OXCT1: variants seen among roughly 807,000 people sequenced by gnomAD.
OXCT1 encodes succinyl-CoA:3-ketoacid coenzyme A transferase 1, mitochondrial.
A neutral mutation model predicts 69.6 loss-of-function variants in OXCT1; 27 were observed. That is an observed-to-expected ratio of 0.39 (90% CI 0.29 to 0.54). The LOEUF is 0.54. Among genes scored for constraint, OXCT1 ranks in the 20% least tolerant of loss-of-function variants. The probability of loss-of-function intolerance (pLI) is 0.72; values close to 1 mark genes in which losing one functional copy is unlikely to be tolerated. For synonymous variants in OXCT1, 202 were observed against 217.8 expected (o/e 0.93, Z 0.64); for missense variants, 437 against 650.2 (o/e 0.67, Z 3.57).
At chr5:41,847,619 G>A (rs1748983776) in intron 5 of OXCT1, among the ~76,000 whole-genome samples, 2 of 151,524 alleles carry the variant, frequency 1.3e-5, no homozygotes, top group South Asian at 4.2e-4. Flanking sequence ...TGCAAGGCTG[G>A]TTCAATATAC....
At chr5:41,861,817 T>A (rs1252695840) in intron 2 of OXCT1, among the ~76,000 whole-genome samples, 2 of 152,244 alleles carry the variant, frequency 1.3e-5, no homozygotes, top group African/African-American at 4.8e-5. Context: ...ATATTTTCCA[T>A]GATTACTCAA....
At chr5:41,848,707 G>C (rs1182517216) in intron 5 of OXCT1, among the ~76,000 whole-genome samples, 12 of 151,736 alleles carry the variant, frequency 7.9e-5, no homozygotes, top group Non-Finnish European at 4.4e-5. Flanking sequence ...TTAATAAATG[G>C]TGCTGGGAAA....
At chr5:41,741,781 C>G (rs1358601595) in intron 15 of OXCT1, among the ~76,000 whole-genome samples, 1 of 152,104 alleles carries the variant, frequency 6.6e-6, no homozygotes, top group Non-Finnish European at 1.5e-5. Context: ...GTAAACTTTC[C>G]TTTTGCTTGT....
At chr5:41,833,296 A>G (rs1374402310) in intron 7 of OXCT1, among the ~76,000 whole-genome samples, 5 of 152,174 alleles carry the variant, frequency 3.3e-5, no homozygotes, top group African/African-American at 1.2e-4. Flanking sequence ...GAGCTCCAAC[A>G]TGTCTGGCAA....
intron 5 of OXCT1, chr5:41,843,533 T>C (rs1308487506): frequency 2.2e-6 from 1 of 456,132 alleles, no homozygotes; most frequent in South Asian, 1.5e-5. Context: ...TTAATTATAC[T>C]ACCAATTTTG....
chr5:41,777,982 A>G (rs1179813257), intron 13 of OXCT1, among the ~76,000 whole-genome samples: 1 of 152,196 alleles, frequency 6.6e-6, no homozygotes, highest in African/African-American at 2.4e-5. Flanking sequence ...GGTTATTTAG[A>G]TCTGTCCTAG....
intron 9 of OXCT1, among the ~76,000 whole-genome samples, chr5:41,803,584 G>A (rs1746523117): frequency 6.6e-6 from 1 of 151,964 alleles, no homozygotes; most frequent in Non-Finnish European, 1.5e-5. Flanking sequence ...GATAAATGGA[G>A]TTACCGTTTT....
At chr5:41,862,220 C>A (rs1411644088) in intron 2 of OXCT1, among the ~76,000 whole-genome samples, 1 of 152,094 alleles carries the variant, frequency 6.6e-6, no homozygotes, top group African/African-American at 2.4e-5. Flanking sequence ...AGAGTCCAAA[C>A]AAGAAGCAGC....
At chr5:41,790,265 C>T (rs1318344608) in intron 13 of OXCT1, among the ~76,000 whole-genome samples, 1 of 152,186 alleles carries the variant, frequency 6.6e-6, no homozygotes, top group African/African-American at 2.4e-5. Context: ...TAATCAATGC[C>T]AGCTGTTCTC....
intron 1 of OXCT1, among the ~76,000 whole-genome samples, chr5:41,868,244 T>C (rs1750092699): frequency 6.6e-6 from 1 of 152,260 alleles, no homozygotes; most frequent in African/African-American, 2.4e-5. Flanking sequence ...TGGAGGGTTC[T>C]CTCATCCGTA....
At position 41,842,788 on chromosome 5, in the gene OXCT1, A is replaced by G. The variant is rs755447436; in HGVS notation, c.565-7T>C. The G allele has an allele frequency of 6.5e-7, 1 of 1,539,286 alleles. No homozygotes were observed. Among genetic ancestry groups the G allele is most frequent in the Non-Finnish European group, 9.0e-7 (1 of 1,111,982 alleles). ...GACCATTGAACTCCCTCACCTGCAG[A>G]AGAGGGAGAAGGCATCATCAGGTAT... On this transcript the variant is annotated splice_polypyrimidine_tract_variant and splice_region_variant and intron_variant, in intron 5 of 16. Transcript: ENST00000196371.
At chr5:41,769,844 C>T (rs967897251) in intron 13 of OXCT1, among the ~76,000 whole-genome samples, 30 of 152,238 alleles carry the variant, frequency 2.0e-4, no homozygotes, top group Admixed American at 3.3e-4. Flanking sequence ...GCAGGATCTC[C>T]GCCTCCTGGA....
intron 13 of OXCT1, among the ~76,000 whole-genome samples, chr5:41,772,074 A>G (rs1744895133): frequency 6.6e-6 from 1 of 152,250 alleles, no homozygotes; most frequent in African/African-American, 2.4e-5. Flanking sequence ...ATGTGTCTGC[A>G]TGTACTAAAA....
chr5:41,779,543 A>T (rs1052372416), intron 13 of OXCT1, among the ~76,000 whole-genome samples: 1 of 152,180 alleles, frequency 6.6e-6, no homozygotes, highest in Non-Finnish European at 1.5e-5. Context: ...ACAATTTGTT[A>T]GTAACAAAGC....
At chr5:41,761,099 C>T (rs1223192469) in intron 14 of OXCT1, among the ~76,000 whole-genome samples, 2 of 151,984 alleles carry the variant, frequency 1.3e-5, no homozygotes, top group African/African-American at 4.8e-5. Flanking sequence ...GAAGAGAAGG[C>T]AAAGAAGATG....
chr5:41,760,569 T>C (rs926225538), intron 14 of OXCT1, among the ~76,000 whole-genome samples: 1 of 152,026 alleles, frequency 6.6e-6, no homozygotes, highest in African/African-American at 2.4e-5. Flanking sequence ...TGAAAACAAA[T>C]ACACAAAAAT....
At chr5:41,733,301 C>A (rs1316809588) in intron 16 of OXCT1, among the ~76,000 whole-genome samples, 1 of 144,224 alleles carries the variant, frequency 6.9e-6, no homozygotes, top group Non-Finnish European at 1.5e-5. Flanking sequence ...GGCTGGAGTG[C>A]AATGGCGCGA....
At chr5:41,737,259 T>C (rs1742930550) in intron 16 of OXCT1, among the ~76,000 whole-genome samples, 1 of 152,184 alleles carries the variant, frequency 6.6e-6, no homozygotes, top group Non-Finnish European at 1.5e-5. Flanking sequence ...TACATATCCC[T>C]GTGAAAAGAA....
chr5:41,868,448 T>C (rs1269443187), intron 1 of OXCT1, among the ~76,000 whole-genome samples: 2 of 152,092 alleles, frequency 1.3e-5, no homozygotes, highest in Non-Finnish European at 2.9e-5. Context: ...GGATTTAAAG[T>C]GCTAAACAAT....
Sources: gnomAD v4.1 joint callset for allele counts (sites outside exome capture counted in the v4.1 genomes callset) on GRCh38, gnomAD v4.1.1 for gene constraint, MANE v1.5 for transcripts, NCBI Gene and HGNC (gene_info 2026-07-23, HGNC 2026-07-21) for gene names.